The following PIP5K1B variants were observed in gnomAD, a reference collection of about 807,000 sequenced individuals.
PIP5K1B encodes the protein phosphatidylinositol 4-phosphate 5-kinase type-1 beta.
PIP5K1B carries 42 observed loss-of-function variants against 67.0 expected under a neutral mutation model. The ratio of observed to expected loss-of-function variants is 0.63; its 90% confidence interval spans 0.49 to 0.81. PIP5K1B has a LOEUF of 0.81. PIP5K1B is among the 30% of genes least tolerant of loss of function. The pLI is 0.00. For synonymous variants in PIP5K1B, 214 were observed against 231.4 expected (o/e 0.92, Z 0.68); for missense variants, 459 against 646.3 (o/e 0.71, Z 3.14).
chr9:68,822,683 G>C lies in PIP5K1B; in HGVS notation c.69G>C (p.Lys23Asn). Residue 23 changes from lysine (K) to asparagine (N), a missense_variant and splice_region_variant, in exon 4 of 16, where the codon AAG becomes AAC. Physicochemically the swap from Lys to Asn is moderately conservative, Grantham distance 94. Transcript: ENST00000265382. ...AAAATGAAGAAAAAACCTATAAAAA[G>C]GTGAGTGTGCATTTTATTTTCTAAA... ...GKQNEEKTYK[K>N]TASSAIKGAI... 6.2e-7 allele frequency: 1 copy of C among 1,606,286 alleles called. No homozygotes were observed. Among genetic ancestry groups the C allele is most frequent in the Non-Finnish European group, 8.5e-7 (1 of 1,173,554 alleles).
At chr9:68,915,229 GTC>G (rs1442196911) in intron 8 of PIP5K1B, among the ~76,000 whole-genome samples, 4 of 151,970 alleles carry the variant, frequency 2.6e-5, no homozygotes, top group African/African-American at 4.8e-5. Flanking sequence ...CCTTATCCAA[GTC>G]TCTCCGAGAA....
chr9:68,978,995 G>T (rs1220535472), intron 14 of PIP5K1B, among the ~76,000 whole-genome samples: 1 of 152,212 alleles, frequency 6.6e-6, no homozygotes, highest in Non-Finnish European at 1.5e-5. Flanking sequence ...TTCTGTTGTT[G>T]TGCTTTAACA....
At chr9:68,843,495 G>A (rs1307147313) in intron 4 of PIP5K1B, among the ~76,000 whole-genome samples, 4 of 152,212 alleles carry the variant, frequency 2.6e-5, no homozygotes, top group African/African-American at 9.7e-5. Context: ...ACAGACACAA[G>A]TATTTCCAAT....
intron 2 of PIP5K1B, among the ~76,000 whole-genome samples, chr9:68,795,640 A>AAATATTTTAG (rs145115411): frequency 0.11 from 16,467 of 152,216 alleles, 1,153 homozygotes; most frequent in Non-Finnish European, 0.16. Context: ...GCACATTAGC[A>AAATATTTTAG]AATGTTTTAG....
At chr9:68,964,349 G>C (rs1016496352) in intron 14 of PIP5K1B, among the ~76,000 whole-genome samples, 9 of 152,232 alleles carry the variant, frequency 5.9e-5, no homozygotes, top group African/African-American at 2.2e-4. Flanking sequence ...CCTAAGGGAA[G>C]TAAAGAGCTA....
chr9:68,799,403 A>G (rs1248496388), intron 2 of PIP5K1B, among the ~76,000 whole-genome samples: 1 of 152,200 alleles, frequency 6.6e-6, no homozygotes, highest in Non-Finnish European at 1.5e-5. Context: ...AATTAAATTC[A>G]TATGGAACCA....
chr9:68,760,172 T>A (rs1303209352), intron 2 of PIP5K1B, among the ~76,000 whole-genome samples: 4 of 152,148 alleles, frequency 2.6e-5, no homozygotes, highest in Admixed American at 2.6e-4. Flanking sequence ...ACAGTTCATG[T>A]AACTCAGCCA....
chr9:68,906,853 G>T (rs952635053), intron 8 of PIP5K1B, among the ~76,000 whole-genome samples: 1 of 152,184 alleles, frequency 6.6e-6, no homozygotes, highest in Non-Finnish European at 1.5e-5. Flanking sequence ...GATGACGGGA[G>T]TTCTTTAGAC....
At chr9:68,849,006 A>G (rs1328677782) in intron 4 of PIP5K1B, among the ~76,000 whole-genome samples, 47 of 152,248 alleles carry the variant, frequency 3.1e-4, no homozygotes, top group Non-Finnish European at 1.5e-5. Context: ...ATTCTTACAC[A>G]GCACTCTGTT....
intron 2 of PIP5K1B, among the ~76,000 whole-genome samples, chr9:68,745,250 C>T (rs1341354152): frequency 1.3e-5 from 2 of 152,188 alleles, no homozygotes; most frequent in African/African-American, 4.8e-5. Flanking sequence ...TCTTCCTAAG[C>T]TTAGTCCTTT....
intron 14 of PIP5K1B, among the ~76,000 whole-genome samples, chr9:68,952,186 C>T (rs1366671957): frequency 6.6e-6 from 1 of 152,162 alleles, no homozygotes; most frequent in African/African-American, 2.4e-5. Flanking sequence ...AAATGACTGC[C>T]TTGTTCTTCG....
intron 2 of PIP5K1B, among the ~76,000 whole-genome samples, chr9:68,751,742 T>C (rs1829644094): frequency 1.3e-5 from 2 of 152,148 alleles, no homozygotes; most frequent in South Asian, 2.1e-4. Context: ...CATTGGGAAA[T>C]GGTCAAGATC....
intron 14 of PIP5K1B, among the ~76,000 whole-genome samples, chr9:68,989,130 T>A (rs1830245470): frequency 6.9e-6 from 1 of 145,976 alleles, no homozygotes; most frequent in African/African-American, 2.5e-5. Flanking sequence ...ATCCACACAA[T>A]TCTTTTAACA....
intron 15 of PIP5K1B, among the ~76,000 whole-genome samples, chr9:68,995,805 C>CAAAA: frequency 1.0e-5 from 1 of 100,346 alleles, no homozygotes; most frequent in Non-Finnish European, 2.0e-5. Context: ...AACTCCGTCT[C>CAAAA]AAAAAAAAAA....
chr9:68,801,205 A>G (rs1030619465), intron 2 of PIP5K1B, among the ~76,000 whole-genome samples: 7 of 152,188 alleles, frequency 4.6e-5, no homozygotes, highest in African/African-American at 1.7e-4. Context: ...AGTCCTTTAT[A>G]TTCTGCTGAA....
intron 3 of PIP5K1B, 70 bp from the exon 4 acceptor site, chr9:68,822,545 A>C: frequency 9.2e-7 from 1 of 1,086,656 alleles, no homozygotes; most frequent in Non-Finnish European, 1.4e-6. Context: ...TCCTTTGGTT[A>C]GCAATATTAT....
chr9:68,845,440 G>A (rs1462608661), intron 4 of PIP5K1B, among the ~76,000 whole-genome samples: 1 of 152,202 alleles, frequency 6.6e-6, no homozygotes, highest in African/African-American at 2.4e-5. Context: ...CTGGGTTTTG[G>A]AGGAGAGTGC....
At chr9:68,737,849 G>T (rs1286139265) in intron 1 of PIP5K1B, among the ~76,000 whole-genome samples, 1 of 152,188 alleles carries the variant, frequency 6.6e-6, no homozygotes, top group Admixed American at 6.5e-5. Flanking sequence ...CTACTAATGC[G>T]TAGTGACCAA....
At chr9:68,921,541 A>G (rs1391175083) in intron 11 of PIP5K1B, among the ~76,000 whole-genome samples, 3 of 152,124 alleles carry the variant, frequency 2.0e-5, no homozygotes, top group Admixed American at 6.6e-5. Flanking sequence ...TGAATCGTCT[A>G]GTCTTGTACC....
Sources: gnomAD v4.1 joint callset for allele counts (sites outside exome capture counted in the v4.1 genomes callset) on GRCh38, gnomAD v4.1.1 for gene constraint, MANE v1.5 for transcripts, NCBI Gene and HGNC (gene_info 2026-07-23, HGNC 2026-07-21) for gene names.